FANCC: variants seen among roughly 807,000 people sequenced by gnomAD.
FANCC encodes FA complementation group C.
FANCC carries 55 observed loss-of-function variants against 71.3 expected under a neutral mutation model. The observed-to-expected ratio is 0.77, with a 90% CI of 0.62 to 0.97. The LOEUF (loss-of-function observed/expected upper bound fraction) is 0.97, where lower values mean the gene tolerates loss of function less well. Among genes scored for constraint, FANCC ranks in the 50% least tolerant of loss-of-function variants. The probability of loss-of-function intolerance (pLI) is 0.00; values close to 1 mark genes in which losing one functional copy is unlikely to be tolerated. For missense variants in FANCC, 678 were observed against 670.9 expected (o/e 1.01, Z -0.12); for synonymous variants, 275 against 244.9 (o/e 1.12, Z -1.15).
intron 1 of FANCC, among the ~76,000 whole-genome samples, chr9:95,262,450 G>A (rs767963790): frequency 3.3e-5 from 5 of 152,096 alleles, no homozygotes; most frequent in Non-Finnish European, 7.3e-5. Flanking sequence ...CACTTAGAAC[G>A]GCTACTATCA....
chr9:95,307,946 C>T (rs1039654626), intron 1 of FANCC, among the ~76,000 whole-genome samples: 1 of 152,214 alleles, frequency 6.6e-6, no homozygotes, highest in Non-Finnish European at 1.5e-5. Flanking sequence ...GGGGTCACAT[C>T]GCAATGGAAG....
chr9:95,295,643 C>T (rs1329503802), intron 1 of FANCC, among the ~76,000 whole-genome samples: 1 of 152,100 alleles, frequency 6.6e-6, no homozygotes, highest in Non-Finnish European at 1.5e-5. Flanking sequence ...TGGCGCATGC[C>T]TGTAGTCCTG....
chr9:95,283,313 T>G (rs944929405), intron 1 of FANCC, among the ~76,000 whole-genome samples: 3 of 152,210 alleles, frequency 2.0e-5, no homozygotes, highest in African/African-American at 7.2e-5. Flanking sequence ...AAAAGGTGAA[T>G]GAGACAGGTG....
chr9:95,240,665 A>G lies in FANCC; in HGVS notation c.329T>C (p.Leu110Pro), dbSNP rs777731560. Reference protein sequence around the residue: ...KEPQNSGQSKLNSWIQGVLSH... With the variant: ...KEPQNSGQSKPNSWIQGVLSH... ...CTCTCTTACCTGTATCCAGGAGTTA[A>G]GTTTTGATTGTCCAGAATTCTGTGG... Residue 110 changes from leucine (L) to proline (P), a missense_variant, in exon 4 of 15, where the codon CTT becomes CCT. Coordinates refer to ENST00000289081, the MANE Select transcript of FANCC (RefSeq NM_000136.3). 1.9e-6 allele frequency: 3 copies of G among 1,609,614 alleles called. No homozygotes were observed. In the Admixed American group the frequency reaches 5.0e-5, roughly 27 times the overall value.
At chr9:95,252,284 A>G (rs531274960) in intron 1 of FANCC, among the ~76,000 whole-genome samples, 18 of 149,974 alleles carry the variant, frequency 1.2e-4, no homozygotes, top group Non-Finnish European at 2.2e-4. Flanking sequence ...CAAAAAAAAA[A>G]AAAAAAAAAA....
At chr9:95,265,198 A>C (rs1832312314) in intron 1 of FANCC, among the ~76,000 whole-genome samples, 1 of 152,176 alleles carries the variant, frequency 6.6e-6, no homozygotes, top group Non-Finnish European at 1.5e-5. Flanking sequence ...ATTTCAAACA[A>C]ACCTCAATTG....
chr9:95,242,131 T>G (rs565516633), intron 3 of FANCC, among the ~76,000 whole-genome samples: 1 of 152,274 alleles, frequency 6.6e-6, no homozygotes, highest in Admixed American at 6.5e-5. Flanking sequence ...AACTAACATC[T>G]CTGAAAAAAC....
intron 12 of FANCC, among the ~76,000 whole-genome samples, chr9:95,112,014 G>A (rs763868244): frequency 3.9e-5 from 6 of 152,236 alleles, no homozygotes; most frequent in Non-Finnish European, 8.8e-5. Context: ...TGGAGGGTAG[G>A]ACGCAGGCAG....
chr9:95,128,098 T>C (rs1402463949), intron 8 of FANCC, among the ~76,000 whole-genome samples: 2 of 152,222 alleles, frequency 1.3e-5, no homozygotes, highest in Non-Finnish European at 2.9e-5. Flanking sequence ...GGTTATTTCG[T>C]GGCTTCGAAC....
At chr9:95,314,772 G>A (rs1835640094) in intron 1 of FANCC, among the ~76,000 whole-genome samples, 1 of 151,388 alleles carries the variant, frequency 6.6e-6, no homozygotes, top group African/African-American at 2.4e-5. Context: ...TTTACAAAAG[G>A]GCAAAATTTG....
chr9:95,175,598 G>A (rs1825964971), intron 4 of FANCC, among the ~76,000 whole-genome samples: 1 of 152,252 alleles, frequency 6.6e-6, no homozygotes, highest in Non-Finnish European at 1.5e-5. Context: ...AGAGGGAGCA[G>A]CCATGGCTGG....
chr9:95,118,997 G>A (rs745482227), intron 10 of FANCC, among the ~76,000 whole-genome samples: 1 of 152,152 alleles, frequency 6.6e-6, no homozygotes, highest in Admixed American at 6.5e-5. Flanking sequence ...ATGGTTTTCC[G>A]GTGTTGTACC....
chr9:95,179,590 G>A (rs1012735301), intron 4 of FANCC, among the ~76,000 whole-genome samples: 7 of 152,082 alleles, frequency 4.6e-5, no homozygotes, highest in Admixed American at 4.6e-4. Context: ...CAAGTGATCT[G>A]CCCACCTCAG....
At chr9:95,132,248 C>A (rs1169847147) in intron 8 of FANCC, among the ~76,000 whole-genome samples, 1 of 152,220 alleles carries the variant, frequency 6.6e-6, no homozygotes, top group Non-Finnish European at 1.5e-5. Flanking sequence ...GCCACCCTGA[C>A]ACCCTGCAGA....
intron 6 of FANCC, among the ~76,000 whole-genome samples, chr9:95,162,114 T>C (rs1830785044): frequency 6.6e-6 from 1 of 152,224 alleles, no homozygotes; most frequent in Non-Finnish European, 1.5e-5. Flanking sequence ...TGTGCTGGGA[T>C]TACAGGTGTG....
intron 1 of FANCC, among the ~76,000 whole-genome samples, chr9:95,255,765 A>AT (rs1046490831): frequency 5.3e-5 from 8 of 152,092 alleles, no homozygotes; most frequent in African/African-American, 1.7e-4. Flanking sequence ...CTAAAGGAGC[A>AT]TTTTTTAACC....
chr9:95,293,390 C>A lies in FANCC; in HGVS notation c.-79+24136G>T, dbSNP rs2136324981. 1.9e-6 allele frequency: 3 copies of A among 1,582,702 alleles called. No homozygotes were observed. The East Asian group carries it at 6.7e-5, about 35-fold the overall frequency. ...ACTGCCTGCCCTTGTCAGTAGGAAC[C>A]CTGATCCTCGGCCTAGATTCAGAGG... On this transcript the variant is annotated intron_variant, in intron 1 of 14. Transcript: ENST00000289081.
intron 1 of FANCC, chr9:95,293,934 T>C (rs1219999284): frequency 6.3e-7 from 1 of 1,590,168 alleles, no homozygotes; most frequent in Non-Finnish European, 8.6e-7. Context: ...CAAGTAACAT[T>C]ATAAGCAACA....
intron 1 of FANCC, among the ~76,000 whole-genome samples, chr9:95,278,237 G>A (rs2136248756): frequency 6.6e-6 from 1 of 152,216 alleles, no homozygotes; most frequent in Admixed American, 6.5e-5. Context: ...CACAAAAAAA[G>A]GAAGAGAAGG....
Sources: gnomAD v4.1 joint callset for allele counts (sites outside exome capture counted in the v4.1 genomes callset) on GRCh38, gnomAD v4.1.1 for gene constraint, MANE v1.5 for transcripts, NCBI Gene and HGNC (gene_info 2026-07-23, HGNC 2026-07-21) for gene names.